Variants in ATXN7 observed in about 807,000 individuals in gnomAD.
The protein encoded by ATXN7 is ataxin 7.
In ATXN7, 12 loss-of-function variants were observed where a neutral mutation model predicts 70.5. That is an observed-to-expected ratio of 0.17 (90% CI 0.11 to 0.28). The LOEUF is 0.28. Ranked by LOEUF, ATXN7 falls within the 10% of genes least tolerant of loss-of-function variation. ATXN7 has a pLI of 1.00. For synonymous variants in ATXN7, 498 were observed against 448.7 expected (o/e 1.11, Z -1.39); for missense variants, 1,256 against 1,131.7 (o/e 1.11, Z -1.58).
intron 4 of ATXN7, among the ~76,000 whole-genome samples, chr3:63,933,824 G>A (rs573882249): frequency 3.3e-5 from 5 of 152,202 alleles, no homozygotes; most frequent in African/African-American, 4.8e-5. Flanking sequence ...AAAGGGGTGC[G>A]CAGTGGTTCC....
At chr3:63,945,051 C>T (rs952133341) in intron 4 of ATXN7, among the ~76,000 whole-genome samples, 4 of 152,204 alleles carry the variant, frequency 2.6e-5, no homozygotes, top group South Asian at 2.1e-4. Context: ...CTCGGCCTCC[C>T]GAAGTGCTGG....
intron 1 of ATXN7, among the ~76,000 whole-genome samples, chr3:63,890,106 A>C (rs1703210722): frequency 6.6e-6 from 1 of 152,144 alleles, no homozygotes; most frequent in Non-Finnish European, 1.5e-5. Context: ...GTATTGAAAA[A>C]TTTCATTAAT....
chr3:63,945,866 GA>G (rs2074850524), intron 4 of ATXN7, among the ~76,000 whole-genome samples: 1 of 152,196 alleles, frequency 6.6e-6, no homozygotes, highest in Non-Finnish European at 1.5e-5. Context: ...TGGGGGAACT[GA>G]GTTCCAGGCA....
intron 4 of ATXN7, among the ~76,000 whole-genome samples, chr3:63,929,269 CTTTTTTT>C (rs1029963204): frequency 7.3e-6 from 1 of 136,646 alleles, no homozygotes; most frequent in African/African-American, 2.7e-5. Flanking sequence ...CTCTCTCTCT[CTTTTTTT>C]TTTTTTTTTT....
chr3:63,983,340 CT>C (rs2075520331), intron 8 of ATXN7, among the ~76,000 whole-genome samples: 1 of 152,182 alleles, frequency 6.6e-6, no homozygotes, highest in Non-Finnish European at 1.5e-5. Context: ...CTTGACTGTG[CT>C]TTAAATTATA....
intron 4 of ATXN7, among the ~76,000 whole-genome samples, chr3:63,927,380 T>C (rs1189992959): frequency 6.6e-6 from 1 of 152,190 alleles, no homozygotes; most frequent in African/African-American, 2.4e-5. Flanking sequence ...GAAGGAATTA[T>C]CATGAGAAGT....
chr3:63,914,004 G>T (rs573991073), intron 4 of ATXN7, among the ~76,000 whole-genome samples: 19 of 152,320 alleles, frequency 1.2e-4, no homozygotes, highest in African/African-American at 4.6e-4. Flanking sequence ...ACCGTGGTCA[G>T]AAAGGACTTC....
chr3:63,990,234 C>A lies in ATXN7; in HGVS notation c.1420C>A (p.His474Asn), dbSNP rs1284840575. 15 of 1,613,988 alleles carry A rather than the reference C, an allele frequency of 9.3e-6. No individual in the cohort carries two copies. Among genetic ancestry groups the A allele is most frequent in the Non-Finnish European group, 1.3e-5 (15 of 1,180,024 alleles). ...TGCCCCCATTGACCCTCCTCCAGTC[C>A]ATGAATCTCCACACCCTCCCCTGCC... ...GSAPIDPPPV[H>N]ESPHPPLPAT... Residue 474 changes from histidine to asparagine, a missense_variant, in exon 10 of 13, where the codon CAT (histidine) becomes AAT (asparagine). Coordinates refer to ENST00000674280, the MANE Select transcript of ATXN7 (RefSeq NM_001377405.1).
intron 1 of ATXN7, among the ~76,000 whole-genome samples, chr3:63,869,262 CCTT>C (rs1339714803): frequency 2.0e-5 from 3 of 152,128 alleles, no homozygotes; most frequent in South Asian, 2.1e-4. Flanking sequence ...GGTCCAGTCT[CCTT>C]CTTTGAGTCT....
intron 10 of ATXN7, 42 bp downstream of exon 10, chr3:63,990,416 G>A: frequency 1.9e-6 from 3 of 1,608,674 alleles, no homozygotes; most frequent in Non-Finnish European, 1.7e-6. Context: ...TCCCCACACA[G>A]CATGGACAGG....
At chr3:63,902,427 TAATAA>T (rs746413149) in intron 2 of ATXN7, among the ~76,000 whole-genome samples, 1 of 152,012 alleles carries the variant, frequency 6.6e-6, no homozygotes, top group Non-Finnish European at 1.5e-5. Flanking sequence ...AGTAAATAAA[TAATAA>T]AATGGTGAAA....
intron 12 of ATXN7, chr3:63,999,022 G>A (rs927759965): frequency 6.2e-6 from 1 of 161,172 alleles, no homozygotes; most frequent in Non-Finnish European, 1.4e-5. Flanking sequence ...TCCCCAGCAT[G>A]GGCACTGCCT....
chr3:63,963,667 A>G (rs1226937196), intron 5 of ATXN7, among the ~76,000 whole-genome samples: 1 of 152,160 alleles, frequency 6.6e-6, no homozygotes. Flanking sequence ...AAATCCATTC[A>G]CAGCCCTGGA....
chr3:63,985,974 A>G (rs1017751182), intron 8 of ATXN7, among the ~76,000 whole-genome samples: 2 of 152,254 alleles, frequency 1.3e-5, no homozygotes, highest in Non-Finnish European at 2.9e-5. Context: ...CTGATGAGTT[A>G]TAAAAAGATG....
At chr3:63,975,552 G>C (rs777355152) in intron 5 of ATXN7, among the ~76,000 whole-genome samples, 3 of 152,102 alleles carry the variant, frequency 2.0e-5, no homozygotes, top group Non-Finnish European at 4.4e-5. Flanking sequence ...AATTTTGACA[G>C]TTGCTCACTG....
chr3:63,922,025 T>C (rs909895462), intron 4 of ATXN7, among the ~76,000 whole-genome samples: 3 of 152,096 alleles, frequency 2.0e-5, no homozygotes, highest in African/African-American at 7.2e-5. Flanking sequence ...TTTTTTCTTT[T>C]TCTTTTTTTT....
At chr3:63,950,389 A>G (rs1417679909) in intron 4 of ATXN7, among the ~76,000 whole-genome samples, 1 of 152,200 alleles carries the variant, frequency 6.6e-6, no homozygotes, top group Non-Finnish European at 1.5e-5. Context: ...AGAGACCACC[A>G]GCAGCACATT....
At chr3:63,976,944 A>G (rs544605598) in intron 5 of ATXN7, among the ~76,000 whole-genome samples, 2 of 152,342 alleles carry the variant, frequency 1.3e-5, no homozygotes, top group South Asian at 2.1e-4. Context: ...GTTACCTTGA[A>G]AAGACCTGGC....
At chr3:63,932,096 C>T (rs1353859928) in intron 4 of ATXN7, among the ~76,000 whole-genome samples, 1 of 152,154 alleles carries the variant, frequency 6.6e-6, no homozygotes, top group Non-Finnish European at 1.5e-5. Flanking sequence ...CAATGAATAT[C>T]CAAAGTGTTT....
Sources: gnomAD v4.1 joint callset for allele counts (sites outside exome capture counted in the v4.1 genomes callset) on GRCh38, gnomAD v4.1.1 for gene constraint, MANE v1.5 for transcripts, NCBI Gene and HGNC (gene_info 2026-07-23, HGNC 2026-07-21) for gene names.